PRPF18: variants seen among roughly 807,000 people sequenced by gnomAD.
PRPF18 encodes pre-mRNA-splicing factor 18.
In PRPF18, 38 loss-of-function variants were observed where a neutral mutation model predicts 46.5. That is an observed-to-expected ratio of 0.82 (90% CI 0.63 to 1.07). The LOEUF (loss-of-function observed/expected upper bound fraction) is 1.07, where lower values mean the gene tolerates loss of function less well. PRPF18 is among the 50% of genes least tolerant of loss of function. PRPF18 has a pLI of 0.00. For synonymous variants in PRPF18, 152 were observed against 146.7 expected (o/e 1.04, Z -0.26); for missense variants, 263 against 410.0 (o/e 0.64, Z 3.10).
chr10:13,615,739 T>C (rs545053202), intron 8 of PRPF18, among the ~76,000 whole-genome samples: 1 of 152,302 alleles, frequency 6.6e-6, no homozygotes, highest in East Asian at 1.9e-4. Context: ...GCCTTTTGTC[T>C]TCATTGGTTT....
chr10:13,596,393 C>G (rs2080035421), intron 1 of PRPF18, among the ~76,000 whole-genome samples: 1 of 152,172 alleles, frequency 6.6e-6, no homozygotes, highest in Admixed American at 6.5e-5. Context: ...TGGTGGCAGG[C>G]TCATCTTTCC....
chr10:13,597,250 A>G lies in PRPF18; in HGVS notation c.67-208A>G, dbSNP rs1281888972. The stretch of plus-strand genomic sequence containing the variant: ...TGCAAGAAAAATACTTGAACTTACC[A>G]CATATCGGTGCCCATAGTCGTAGTG... On this transcript the variant is annotated intron_variant, in intron 1 of 9. Coordinates refer to ENST00000378572, the MANE Select transcript of PRPF18 (RefSeq NM_003675.4). Among the ~76,000 whole-genome samples, 3 of 152,120 alleles carry G rather than the reference A, an allele frequency of 2.0e-5. No individual in the cohort carries two copies. In the South Asian group the frequency reaches 6.2e-4, roughly 31 times the overall value.
chr10:13,631,372 G>C (rs1057309434), downstream of PRPF18: 2 of 152,226 alleles, frequency 1.3e-5, no homozygotes, highest in African/African-American at 2.4e-5. Flanking sequence ...CGGTAAGAGC[G>C]GGGGCTCCAA....
At chr10:13,636,392 C>T in the PRPF18 span, among the ~76,000 whole-genome samples, 1 of 152,120 alleles carries the variant, frequency 6.6e-6, no homozygotes, top group Non-Finnish European at 1.5e-5. Flanking sequence ...GCGTTCCAGC[C>T]TGGGTGACAG....
chr10:13,628,028 A>C (rs545787973), intron 9 of PRPF18, among the ~76,000 whole-genome samples: 2 of 152,324 alleles, frequency 1.3e-5, no homozygotes, highest in South Asian at 4.2e-4. Flanking sequence ...CTACCGATCA[A>C]AGTTCTGCAT....
rs34162273 is a variant in PRPF18, at chr10:13,606,733, CAAAAAAAA to C, written c.363+1007_363+1014del. Reference sequence around the variant, plus strand: ...CTGGCGACAGAGTGAGACTCCTTCTCAAAAAAAAAAAAAAAAAAAAAAAAACAGGGATA... The same window carrying C: ...CTGGCGACAGAGTGAGACTCCTTCTCAAAAAAAAAAAAAAAAACAGGGATA... On this transcript the variant is annotated intron_variant, in intron 4 of 9. Coordinates refer to ENST00000378572, the MANE Select transcript of PRPF18 (RefSeq NM_003675.4). 6.8e-5 allele frequency among the ~76,000 whole-genome samples: 5 copies of C among 73,010 alleles called. No individual in the cohort carries two copies. The East Asian group carries it at 2.6e-3, about 38-fold the overall frequency. The allele number at this position is 73,010 out of a possible 152,430, so 47.9% of individuals were successfully genotyped here. A position where few individuals can be genotyped will look rare whatever the true frequency, so the allele number is the denominator to read the frequency against.
At chr10:13,591,248 T>C (rs2502218) in intron 1 of PRPF18, among the ~76,000 whole-genome samples, 5,200 of 152,316 alleles carry the variant, frequency 0.034, 310 homozygotes, top group African/African-American at 0.12. Context: ...TGCTTTATAT[T>C]TTTCATCTTT....
At chr10:13,613,585 A>G (rs572128869) in intron 6 of PRPF18, among the ~76,000 whole-genome samples, 156 bp from the exon 7 acceptor site, 120 of 152,338 alleles carry the variant, frequency 7.9e-4, no homozygotes, top group Non-Finnish European at 1.3e-3. Flanking sequence ...CATGACCAAT[A>G]AGCAGAACTA....
At chr10:13,640,461 A>G in the PRPF18 span, 2 of 152,124 alleles carry the variant, frequency 1.3e-5, no homozygotes, top group South Asian at 4.1e-4. Context: ...CCTCAATACA[A>G]CATAGGGATC....
rs1185168243 is a variant in PRPF18, at chr10:13,587,353, A to T, written c.66+201A>T. On this transcript the variant is annotated intron_variant, in intron 1 of 9. Coordinates refer to ENST00000378572, the MANE Select transcript of PRPF18 (RefSeq NM_003675.4). The stretch of plus-strand genomic sequence containing the variant: ...AGGCTGGAGAATAGGGTCTGAGAGC[A>T]GGGAACTTGAGTACAATTCGTGCTG... 14 of 608,542 alleles carry T rather than the reference A, an allele frequency of 2.3e-5. No individual in the cohort carries two copies. In the East Asian group the frequency reaches 3.9e-4, roughly 17 times the overall value. The allele number at this position is 608,542 out of a possible 1,614,324, so 37.7% of individuals were successfully genotyped here.
At position 13,607,323 on chromosome 10, in the gene PRPF18, C is replaced by G. The variant is rs911177198; in HGVS notation, c.363+1579C>G. Among the ~76,000 whole-genome samples, 49 of 152,164 alleles carry G rather than the reference C, an allele frequency of 3.2e-4. 2 individuals are homozygous for G. Among genetic ancestry groups the G allele is most frequent in the Non-Finnish European group, 7.4e-5 (5 of 68,024 alleles). On this transcript the variant is annotated intron_variant, in intron 4 of 9. Transcript: ENST00000378572. ...TATATTCTGGATAGAAGTTCTTTGTCAGATATACGAATATTTTTTGTGACT... is the reference window on the plus strand; with the variant it reads ...TATATTCTGGATAGAAGTTCTTTGTGAGATATACGAATATTTTTTGTGACT...
At chr10:13,618,665 T>TA (rs2080381259) in intron 9 of PRPF18, among the ~76,000 whole-genome samples, 1 of 149,736 alleles carries the variant, frequency 6.7e-6, no homozygotes, top group African/African-American at 2.5e-5. Context: ...GGACTAAATT[T>TA]AGTGTAATAA....
intron 1 of PRPF18, among the ~76,000 whole-genome samples, chr10:13,593,986 A>G (rs2080000068): frequency 6.6e-6 from 1 of 152,226 alleles, no homozygotes; most frequent in South Asian, 2.1e-4. Context: ...TTTTGCCAGC[A>G]TTGTTTTGCG....
intron 2 of PRPF18, among the ~76,000 whole-genome samples, chr10:13,599,029 A>T (rs889264641): frequency 1.3e-5 from 2 of 152,166 alleles, no homozygotes; most frequent in Admixed American, 6.5e-5. Context: ...TTTTCCCCAG[A>T]GCTATTAACT....
At chr10:13,592,070 C>A in intron 1 of PRPF18, 1 of 579,550 alleles carries the variant, frequency 1.7e-6, no homozygotes. Flanking sequence ...TTGCAAGAAC[C>A]TTCTTTTTCT....
At chr10:13,631,089 G>A (rs898534583), downstream of PRPF18, 1 of 152,288 alleles carries the variant, frequency 6.6e-6, no homozygotes, top group African/African-American at 2.4e-5. Flanking sequence ...GGGAGAGTGG[G>A]GAAATTGTGA....
intron 9 of PRPF18, among the ~76,000 whole-genome samples, chr10:13,618,095 A>G (rs532730514): frequency 2.0e-5 from 3 of 152,270 alleles, no homozygotes; most frequent in Non-Finnish European, 2.9e-5. Flanking sequence ...GAACCTTTTA[A>G]TGACTGACTT....
the PRPF18 span, chr10:13,645,185 G>C: frequency 6.6e-6 from 1 of 152,188 alleles, no homozygotes; most frequent in Non-Finnish European, 1.5e-5. Flanking sequence ...GTCTGGTAGA[G>C]CCTATGGTTA....
At chr10:13,621,972 G>A (rs1476230120) in intron 9 of PRPF18, among the ~76,000 whole-genome samples, 1 of 152,082 alleles carries the variant, frequency 6.6e-6, no homozygotes, top group African/African-American at 2.4e-5. Flanking sequence ...ATGTGTTCAC[G>A]TGTTACCAAA....
Sources: allele counts gnomAD v4.1 joint callset (sites outside exome capture counted in the v4.1 genomes callset), GRCh38; gene constraint gnomAD v4.1.1; transcripts MANE v1.5; gene names NCBI Gene and HGNC (gene_info 2026-07-23, HGNC 2026-07-21).